FANCD2OS: variants seen among roughly 807,000 people sequenced by gnomAD.
FANCD2OS encodes the protein FANCD2 opposite strand.
A neutral mutation model predicts 13.2 loss-of-function variants in FANCD2OS; 11 were observed. The ratio of observed to expected loss-of-function variants is 0.83; its 90% CI spans 0.52 to 1.38. FANCD2OS has a LOEUF of 1.38. Among genes scored for constraint, FANCD2OS ranks in the 40% most tolerant of loss-of-function variants. FANCD2OS has a pLI of 0.00. For synonymous variants in FANCD2OS, 69 were observed against 84.5 expected, an observed-to-expected ratio of 0.82 and a Z score of 1.01; for missense variants, 217 against 213.9, an observed-to-expected ratio of 1.01 and a Z score of -0.09.
chr3:10,098,743 T>C (rs758210208), downstream of FANCD2OS: 3 of 1,614,144 alleles, frequency 1.9e-6, no homozygotes, highest in Admixed American at 5.0e-5. Context: ...AGTCCCAAAA[T>C]TCCCAGGAGA....
At chr3:10,095,125 T>C in intron 2 of FANCD2OS, 1 of 1,273,370 alleles carries the variant, frequency 7.9e-7, no homozygotes, top group Non-Finnish European at 1.1e-6. Context: ...TTGGAGCTTT[T>C]GATTGCAAGG....
exon 3 of FANCD2OS, chr3:10,081,465 G>A (rs1468320596): frequency 6.3e-7 from 1 of 1,596,942 alleles, no homozygotes. Context: ...TTTTTGCTTG[G>A]TAAGTATGTG....
downstream of FANCD2OS, chr3:10,102,842 CAAAAA>C (rs781512105): frequency 7.4e-4 from 50 of 67,888 alleles, no homozygotes; most frequent in South Asian, 2.7e-3. Flanking sequence ...GACTCCGTCT[CAAAAA>C]AAAAAAAAAA....
rs1695406621 is a variant in FANCD2OS, at chr3:10,104,320, C to T, written c.455G>A (p.Cys152Tyr). 1 of 1,614,188 alleles carries T rather than the reference C, an allele frequency of 6.2e-7. No individual in the cohort carries two copies. Among genetic ancestry groups the T allele is most frequent in the Admixed American group, 1.7e-5 (1 of 60,020 alleles). Residue 152 changes from cysteine to tyrosine, a missense_variant, in exon 2 of 2, where the codon TGC (cysteine) becomes TAC (tyrosine). Transcript: ENST00000450660. The part of the protein sequence containing the change: ...EPQIQMTVTM[C>Y]KQMLRSILLL... The stretch of plus-strand genomic sequence containing the variant: ...GAGGATAGAGCGCAGCATCTGTTTG[C>T]ACATAGTGACTGTCATCTGAATCTG...
intron 2 of FANCD2OS, chr3:10,090,316 T>A: frequency 6.2e-7 from 1 of 1,613,550 alleles, no homozygotes; most frequent in South Asian, 1.1e-5. Context: ...TTTTCTTCCG[T>A]GTGATGATGG....
At chr3:10,087,621 A>T (rs1575842075) in intron 2 of FANCD2OS, among the ~76,000 whole-genome samples, 1 of 152,126 alleles carries the variant, frequency 6.6e-6, no homozygotes, top group Non-Finnish European at 1.5e-5. Context: ...AGGGTCAAGT[A>T]TAAAAGAAAT....
downstream of FANCD2OS, among the ~76,000 whole-genome samples, chr3:10,099,917 C>T (rs1030375407): frequency 1.3e-5 from 2 of 151,572 alleles, no homozygotes; most frequent in African/African-American, 4.9e-5. Flanking sequence ...AAAGTCTGGC[C>T]TGATGGGGTG....
rs112569452 is a variant in FANCD2OS, at chr3:10,106,616, T to TA, written c.-9+1398dup. 5.3e-5 allele frequency among the ~76,000 whole-genome samples: 8 copies of TA among 152,182 alleles called. 1 individual carries two copies. Among genetic ancestry groups the TA allele is most frequent in the African/African-American group, 1.9e-4 (8 of 41,518 alleles). ...GTTTGTGAGATAGAAAAGTTCGTTT[T>TA]AAAAAAAGAACTGTTGGCCGGGCAC... On this transcript the variant is annotated intron_variant, in intron 1 of 1. Coordinates refer to ENST00000450660, the MANE Select transcript of FANCD2OS (RefSeq NM_001164839.2).
rs2125076614 is a variant in FANCD2OS at position 10,088,483 on chromosome 3, G to A, written c.*44-6952C>T. 1 of 1,612,298 alleles carries A rather than the reference G, an allele frequency of 6.2e-7. No individual in the cohort carries two copies. The highest frequency in any genetic ancestry group is 8.5e-7 in the Non-Finnish European group (1 of 1,178,334). The stretch of plus-strand genomic sequence containing the variant: ...CCAGACAATTCCTCTGTCGGGTGTG[G>A]CCAAGTGGGGATAAAGAGAAGAGCA... On this transcript the variant is annotated intron_variant, in intron 2 of 2. Coordinates refer to the FANCD2OS transcript ENST00000524279.
At chr3:10,088,363 G>T (rs1694362025) in intron 2 of FANCD2OS, 5 of 866,094 alleles carry the variant, frequency 5.8e-6, no homozygotes, top group African/African-American at 1.7e-5. Context: ...TAATCCTTTT[G>T]ATCAATAATC....
Position 10,089,630 on chromosome 3 carries a change from C to T in FANCD2OS, c.*44-8099G>A, listed in dbSNP as rs186020617. Among the ~76,000 whole-genome samples the T allele has an allele frequency of 3.0e-4, 46 of 152,178 alleles. 1 individual carries two copies. The highest frequency in any genetic ancestry group is 2.4e-3 in the Admixed American group (36 of 15,286). ...GATTATAGGCACCCACCACCACACC[C>T]GGCTAATTTTTGTATTTTTAGTAGA... On this transcript the variant is annotated intron_variant, in intron 2 of 2. Coordinates refer to the FANCD2OS transcript ENST00000524279.
intron 2 of FANCD2OS, chr3:10,093,258 T>G: frequency 6.2e-7 from 1 of 1,606,226 alleles, no homozygotes; most frequent in Non-Finnish European, 8.5e-7. Flanking sequence ...GATCTCAGCC[T>G]TGGTTTCTTG....
At chr3:10,090,154 C>G (rs1694499269) in intron 2 of FANCD2OS, 1 of 678,630 alleles carries the variant, frequency 1.5e-6, no homozygotes, top group Non-Finnish European at 2.7e-6. Flanking sequence ...TTCCGCTCCC[C>G]CATCCTCTTA....
intron 2 of FANCD2OS, among the ~76,000 whole-genome samples, chr3:10,087,869 G>A (rs6808853): frequency 0.026 from 3,947 of 151,856 alleles, 177 homozygotes; most frequent in African/African-American, 0.09. Flanking sequence ...GGCTGGTCTC[G>A]AACTCCTGAC....
chr3:10,103,466 T>G (rs1254799122), downstream of FANCD2OS, among the ~76,000 whole-genome samples: 1 of 152,128 alleles, frequency 6.6e-6, no homozygotes, highest in Non-Finnish European at 1.5e-5. Flanking sequence ...TCCCAGCTAC[T>G]CAGGAGGCTG....
At chr3:10,088,635 G>A in intron 2 of FANCD2OS, 1 of 1,119,148 alleles carries the variant, frequency 8.9e-7, no homozygotes, top group Non-Finnish European at 1.4e-6. Flanking sequence ...CCTTTTTAGT[G>A]GGAATTTGAA....
At chr3:10,106,852 C>G (rs1695507883) in intron 1 of FANCD2OS, among the ~76,000 whole-genome samples, 1 of 152,134 alleles carries the variant, frequency 6.6e-6, no homozygotes, top group Non-Finnish European at 1.5e-5. Flanking sequence ...CTGCGGTGAG[C>G]CGGGATCAAG....
chr3:10,082,882 C>G (rs186914908), intron 2 of FANCD2OS, among the ~76,000 whole-genome samples: 1 of 152,230 alleles, frequency 6.6e-6, no homozygotes, highest in East Asian at 1.9e-4. Context: ...AAAGCAGTGC[C>G]TGACAAAAAC....
downstream of FANCD2OS, chr3:10,101,377 C>CTTTTTTTTTTTT (rs950337384): frequency 5.1e-6 from 2 of 388,516 alleles, no homozygotes; most frequent in African/African-American, 3.0e-5. Flanking sequence ...TTTTGTTCCT[C>CTTTTTTTTTTTT]TTTTTTTTTT....
Sources: gnomAD v4.1 joint callset for allele counts (sites outside exome capture counted in the v4.1 genomes callset) on GRCh38, gnomAD v4.1.1 for gene constraint, MANE v1.5 for transcripts, NCBI Gene and HGNC (gene_info 2026-07-23, HGNC 2026-07-21) for gene names.